Variants in PSEN2 observed in about 807,000 individuals in gnomAD.
PSEN2 encodes the protein presenilin-2.
In PSEN2, 32 loss-of-function variants were observed where a neutral mutation model predicts 49.1. That is an observed-to-expected ratio of 0.65 (90% CI 0.49 to 0.88). The LOEUF (loss-of-function observed/expected upper bound fraction) is 0.88. PSEN2 is among the 40% of genes least tolerant of loss of function. The pLI, the probability that PSEN2 is intolerant of heterozygous loss-of-function variation, is 0.00. For synonymous variants in PSEN2, 255 were observed against 244.0 expected (o/e 1.05, Z -0.42); for missense variants, 522 against 586.9 (o/e 0.89, Z 1.14).
chr1:226,889,063 A>G lies in PSEN2; in HGVS notation c.787+14A>G. ...TCTCTGTGTATGGTAGGTGGGCAGC[A>G]AGGCTGGTGGGGGCAGTGGGGGCGA... On this transcript the variant is annotated intron_variant, in intron 8 of 12. Coordinates refer to ENST00000366783, the MANE Select transcript of PSEN2 (RefSeq NM_000447.3). 1 of 1,609,428 alleles carries G rather than the reference A, an allele frequency of 6.2e-7. No homozygotes were observed. Among genetic ancestry groups the G allele is most frequent in the Non-Finnish European group, 8.5e-7 (1 of 1,177,028 alleles).
chr1:226,898,153 C>A (rs1196009832), downstream of PSEN2: 1 of 152,186 alleles, frequency 6.6e-6, no homozygotes, highest in African/African-American at 2.4e-5. Context: ...CGGGGTTTCA[C>A]CACGTTAGCC....
At chr1:226,902,888 A>G (rs1017035565) in intron 12 of PSEN2, among the ~76,000 whole-genome samples, 2 of 152,024 alleles carry the variant, frequency 1.3e-5, no homozygotes, top group Non-Finnish European at 2.9e-5. Context: ...TCCTCTGCCT[A>G]CCCCACCCTC....
chr1:226,873,198 A>T (rs1430018729), intron 2 of PSEN2, among the ~76,000 whole-genome samples: 1 of 151,876 alleles, frequency 6.6e-6, no homozygotes, highest in Admixed American at 6.6e-5. Context: ...AAATGGTTTC[A>T]CATCAGTCCT....
Position 226,888,880 on chromosome 1 carries a change from G to A in PSEN2, c.618G>A (p.Leu206=), listed in dbSNP as rs779684855. 1 of 1,614,098 alleles carries A rather than the reference G, an allele frequency of 6.2e-7. No homozygotes were observed. The highest frequency in any genetic ancestry group is 8.5e-7 in the Non-Finnish European group (1 of 1,180,044). The change falls in exon 8 of 13, where the codon CTG becomes CTA. Residue 206 remains leucine (L), a synonymous_variant. Transcript: ENST00000366783. ...NVAMDYPTLL[L]TVWNFGAVGM... The stretch of plus-strand genomic sequence containing the variant: ...CCATGGACTACCCCACCCTCTTGCT[G>A]ACTGTCTGGAACTTCGGGGCAGTGG...
rs147612731 is a variant in PSEN2, at chr1:226,892,964, G to T, written c.1073-1043G>T. On this transcript the variant is annotated intron_variant, in intron 11 of 12. Coordinates refer to ENST00000366783, the MANE Select transcript of PSEN2 (RefSeq NM_000447.3). ...CGTTTTGTTTTGGAGACAGGGTCTC[G>T]CTCTGTTGCCCAGGCTGGAGTGCAG... Among the ~76,000 whole-genome samples the T allele has an allele frequency of 2.5e-3, 377 of 152,276 alleles. 1 individual carries two copies. Among genetic ancestry groups the T allele is most frequent in the African/African-American group, 8.7e-3 (363 of 41,562 alleles).
At chr1:226,894,884 G>T (rs1571973256) in intron 12 of PSEN2, among the ~76,000 whole-genome samples, 2 of 152,212 alleles carry the variant, frequency 1.3e-5, no homozygotes, top group East Asian at 3.9e-4. Context: ...TGCCTTACCT[G>T]AGCCCTGCTG....
intron 12 of PSEN2, 60 bp downstream of exon 12, chr1:226,894,185 T>A: frequency 1.6e-6 from 2 of 1,225,124 alleles, no homozygotes; most frequent in Non-Finnish European, 2.4e-6. Flanking sequence ...GTCCTCATTG[T>A]GGTGGGGGCA....
intron 9 of PSEN2, chr1:226,890,775 G>A (rs1271514401): frequency 1.6e-5 from 3 of 187,822 alleles, no homozygotes; most frequent in East Asian, 1.4e-4. Context: ...GGCTTAAATA[G>A]CCTGAATTTC....
chr1:226,896,663 A>T (rs1480656601), downstream of PSEN2, among the ~76,000 whole-genome samples: 2 of 152,006 alleles, frequency 1.3e-5, no homozygotes, highest in African/African-American at 2.4e-5. Context: ...GGAGTTTGAG[A>T]CCAGCCGGGG....
At chr1:226,894,426 A>C (rs957611441) in intron 12 of PSEN2, among the ~76,000 whole-genome samples, 2 of 152,248 alleles carry the variant, frequency 1.3e-5, no homozygotes, top group African/African-American at 4.8e-5. Context: ...AGCTTTGCGC[A>C]GTGATGATAC....
intron 3 of PSEN2, among the ~76,000 whole-genome samples, chr1:226,877,028 G>C (rs1258098224): frequency 6.6e-6 from 1 of 152,138 alleles, no homozygotes; most frequent in African/African-American, 2.4e-5. Flanking sequence ...AGGTATTCAG[G>C]AGAAAGTGTT....
At chr1:226,895,395 A>G (rs1662072715) in intron 12 of PSEN2, 29 bp from the exon 13 acceptor site, 4 of 1,613,462 alleles carry the variant, frequency 2.5e-6, no homozygotes, top group African/African-American at 1.3e-5. Flanking sequence ...AGGGATCACC[A>G]CGCTCACCCT....
Position 226,902,990 on chromosome 1 carries a change from A to G in PSEN2, c.1192-5532A>G, listed in dbSNP as rs559819670. ...ACAAACGTAGTAAAATATTTGGGGA[A>G]TCAGGAAGAATTATTTGTACTATTC... On this transcript the variant is annotated intron_variant, in intron 12 of 14. Coordinates refer to the PSEN2 transcript ENST00000676945. Among the ~76,000 whole-genome samples, 3 of 151,348 alleles carry G rather than the reference A, an allele frequency of 2.0e-5. No individual in the cohort carries two copies. The East Asian group carries it at 5.8e-4, about 29-fold the overall frequency.
downstream of PSEN2, chr1:226,898,815 C>G (rs557949573): frequency 1.3e-5 from 2 of 152,178 alleles, no homozygotes; most frequent in African/African-American, 4.8e-5. Context: ...GGGGTTTCAC[C>G]GTGTTAGCCA....
chr1:226,886,124 T>A (rs909697414), intron 6 of PSEN2, among the ~76,000 whole-genome samples: 10 of 151,080 alleles, frequency 6.6e-5, no homozygotes, highest in African/African-American at 2.4e-4. Context: ...CACCTTGGCC[T>A]CCCAAAGTTC....
At chr1:226,882,087 C>T (rs199767316) in intron 4 of PSEN2, 39 bp downstream of exon 4, 68 of 1,611,722 alleles carry the variant, frequency 4.2e-5, no homozygotes, top group Admixed American at 2.2e-4. Context: ...CAAACAGGTC[C>T]CTGCGGCTAC....
chr1:226,880,620 T>TC lies in PSEN2; in HGVS notation c.-20-1268_-20-1267insC, dbSNP rs1415964225. On this transcript the variant is annotated intron_variant, in intron 3 of 12. Transcript: ENST00000366783. The stretch of plus-strand genomic sequence containing the variant: ...CGATCACTCAGCCTCTGGACAGCGA[T>TC]AACTCAGCCTCTGTCCCCGTCTGAG... 1.7e-4 allele frequency: 271 copies of TC among 1,611,894 alleles called. 2 individuals are homozygous for TC. Among genetic ancestry groups the TC allele is most frequent in the East Asian group, 1.5e-3 (69 of 44,880 alleles).
At chr1:226,894,166 G>C (rs1370185711) in intron 12 of PSEN2, 41 bp downstream of exon 12, 18 of 1,513,380 alleles carry the variant, frequency 1.2e-5, no homozygotes, top group Non-Finnish European at 1.7e-5. Flanking sequence ...CGTGGTGGGG[G>C]CCCCCAGGGT....
intron 11 of PSEN2, among the ~76,000 whole-genome samples, chr1:226,893,416 C>T (rs1032553694): frequency 6.6e-6 from 1 of 152,158 alleles, no homozygotes; most frequent in Non-Finnish European, 1.5e-5. Flanking sequence ...TATTGCATAA[C>T]CATTTTTATT....
Sources: allele counts gnomAD v4.1 joint callset (sites outside exome capture counted in the v4.1 genomes callset), GRCh38; gene constraint gnomAD v4.1.1; transcripts MANE v1.5; gene names NCBI Gene and HGNC (gene_info 2026-07-23, HGNC 2026-07-21).